CES1: variants seen among roughly 807,000 people sequenced by gnomAD.
CES1 encodes the protein carboxylesterase 1.
A neutral mutation model predicts 53.0 loss-of-function variants in CES1; 50 were observed. That is an observed-to-expected ratio of 0.94 (90% CI 0.75 to 1.19). The LOEUF (loss-of-function observed/expected upper bound fraction) is 1.19, where lower values mean the gene tolerates loss of function less well. Ranked by LOEUF, CES1 falls within the 50% of genes most tolerant of loss-of-function variation. CES1 has a pLI of 0.00. For missense variants in CES1, 534 were observed against 538.0 expected, an observed-to-expected ratio of 0.99 and a Z score of 0.07; for synonymous variants, 202 against 210.1, an observed-to-expected ratio of 0.96 and a Z score of 0.33.
intron 1 of CES1, 92 bp downstream of exon 1, chr16:55,832,912 T>G (rs1174165082): frequency 2.6e-6 from 3 of 1,153,828 alleles, no homozygotes; most frequent in South Asian, 1.2e-5. Flanking sequence ...CCGGACCTGT[T>G]GTGTCTTTGC....
intron 11 of CES1, among the ~76,000 whole-genome samples, chr16:55,808,839 G>A (rs1267344108): frequency 1.3e-5 from 2 of 152,030 alleles, no homozygotes; most frequent in Non-Finnish European, 1.5e-5. Flanking sequence ...AGTGTTCTAT[G>A]AACAAAAGTA....
At chr16:55,826,111 T>A in intron 3 of CES1, 40 bp downstream of exon 3, 4 of 1,613,702 alleles carry the variant, frequency 2.5e-6, no homozygotes, top group Non-Finnish European at 3.4e-6. Context: ...TGCGGGGTAC[T>A]GGCACTGACA....
chr16:55,833,080 G>A lies in CES1; in HGVS notation c.-25C>T. 1 of 1,547,214 alleles carries A rather than the reference G, an allele frequency of 6.5e-7. No homozygotes were observed. The highest frequency in any genetic ancestry group is 8.9e-7 in the Non-Finnish European group (1 of 1,125,816). On this transcript the variant is annotated 5_prime_UTR_variant, in exon 1 of 14. Coordinates refer to ENST00000360526, the MANE Select transcript of CES1 (RefSeq NM_001025195.2). ...TCGTGGAAGGGCGACAGTTCTCGGG[G>A]CCTGCGAGGTCTCTGTGCAGTTCAG...
At chr16:55,824,447 C>T (rs1388316462) in intron 3 of CES1, among the ~76,000 whole-genome samples, 7 of 152,138 alleles carry the variant, frequency 4.6e-5, no homozygotes, top group South Asian at 2.1e-4. Context: ...TAAAAGAACT[C>T]GTAACATAAA....
intron 8 of CES1, among the ~76,000 whole-genome samples, 157 bp from the exon 9 acceptor site, chr16:55,813,200 C>T (rs1274855949): frequency 6.6e-6 from 1 of 152,150 alleles, no homozygotes. Context: ...GGTAGGTCTC[C>T]ATGACTCAGG....
At chr16:55,830,811 A>C (rs1056737475) in intron 1 of CES1, among the ~76,000 whole-genome samples, 7 of 143,100 alleles carry the variant, frequency 4.9e-5, no homozygotes, top group East Asian at 4.5e-4. Context: ...GGAAGGAAGG[A>C]AGGAAGGAAG....
intron 9 of CES1, among the ~76,000 whole-genome samples, chr16:55,811,399 C>T (rs1424259451): frequency 6.6e-6 from 1 of 152,162 alleles, no homozygotes; most frequent in African/African-American, 2.4e-5. Flanking sequence ...GTAGACCTCC[C>T]TAGTACCCCC....
At chr16:55,820,701 C>T (rs1465307298) in intron 5 of CES1, among the ~76,000 whole-genome samples, 3 of 152,068 alleles carry the variant, frequency 2.0e-5, no homozygotes, top group African/African-American at 7.2e-5. Flanking sequence ...GTCTCCTGAA[C>T]CCAATCCCCA....
chr16:55,814,991 C>T (rs1242960673), intron 8 of CES1, among the ~76,000 whole-genome samples: 3 of 152,232 alleles, frequency 2.0e-5, no homozygotes, highest in East Asian at 1.9e-4. Flanking sequence ...AAGGAAGATG[C>T]AGGGCAGACT....
chr16:55,816,928 C>T lies in CES1; in HGVS notation c.941G>A (p.Arg314Lys), dbSNP rs1306644657. ...FLSLDLQGDP[R>K]ESQPLLGTVI... is the part of the protein sequence containing the mutation. ...CCAGAAACAAAAGGTCCTTACCTCT[C>T]TGGGGTCTCCCTGTAAGTCCAGAGA... Residue 314 changes from arginine to lysine, a missense_variant, in exon 8 of 14, where the codon AGA becomes AAA. Transcript: ENST00000360526. 6.8e-6 allele frequency: 11 copies of T among 1,613,860 alleles called. No individual in the cohort carries two copies. The African/African-American group carries it at 1.3e-4, about 20-fold the overall frequency.
chr16:55,811,012 T>TAACC lies in CES1; in HGVS notation c.1087-3_1087-2insGGTT. The stretch of plus-strand genomic sequence containing the variant: ...GGAGAGTGGATAGCTCATCAACTGC[T>TAACC]AAAAAAAAAAAAAAGTTCAGCATTT... On this transcript the variant is annotated splice_polypyrimidine_tract_variant and splice_region_variant and intron_variant, in intron 9 of 13. Transcript: ENST00000360526. 1 of 1,408,800 alleles carries TAACC rather than the reference T, an allele frequency of 7.1e-7. No individual in the cohort carries two copies. Among genetic ancestry groups the TAACC allele is most frequent in the Non-Finnish European group, 9.7e-7 (1 of 1,036,230 alleles). The allele number at this position is 1,408,800 out of a possible 1,614,324, so 87.3% of individuals were successfully genotyped here.
rs2032097676 is a variant in CES1, at chr16:55,819,771, T to C, written c.802-132A>G. On this transcript the variant is annotated intron_variant, in intron 6 of 13. Transcript: ENST00000360526. ...AGCAGCAGAAGATACTGTAGACCCG[T>C]GGGTGTGGGTTCCAGGTCCCACGGA... 1.1e-5 allele frequency: 9 copies of C among 807,282 alleles called. No individual in the cohort carries two copies. In the Admixed American group the frequency reaches 1.7e-4, roughly 15 times the overall value. 50.0% of individuals were successfully genotyped at this position (807,282 alleles called of 1,614,324 possible). A position where few individuals can be genotyped will look rare whatever the true frequency, so the allele number is the denominator to read the frequency against.
Position 55,810,549 on chromosome 16 carries a change from A to C in CES1, c.1286T>G (p.Val429Gly), listed in dbSNP as rs2031640222. The stretch of plus-strand genomic sequence containing the variant: ...GTTCCGGGCCACAATCACAGATGGG[A>C]CACCAAACATCACATCTGCTATCAA... Reference protein sequence around the residue: ...LDLIADVMFGVPSVIVARNHR... With the variant: ...LDLIADVMFGGPSVIVARNHR... Residue 429 changes from valine to glycine, a missense_variant, in exon 11 of 14, where the codon GTC becomes GGC. Around this residue, in one of 5 missense-constraint regions of CES1, gnomAD observed 269 missense variants for 206.6 expected, o/e 1.30. Coordinates refer to ENST00000360526, the MANE Select transcript of CES1 (RefSeq NM_001025195.2). 2 of 1,614,164 alleles carry C rather than the reference A, an allele frequency of 1.2e-6. No individual in the cohort carries two copies. Among genetic ancestry groups the C allele is most frequent in the Non-Finnish European group, 1.7e-6 (2 of 1,180,038 alleles).
At chr16:55,812,802 G>A in intron 9 of CES1, 101 bp downstream of exon 9, 3 of 1,513,396 alleles carry the variant, frequency 2.0e-6, no homozygotes, top group South Asian at 1.1e-5. Context: ...CAGCTGCCCA[G>A]GACTCAGAGT....
Position 55,812,654 on chromosome 16 carries a change from C to G in CES1, c.1086+249G>C, listed in dbSNP as rs148222894. Among the ~76,000 whole-genome samples, 97 of 152,284 alleles carry G rather than the reference C, an allele frequency of 6.4e-4. 2 individuals are homozygous for G. In the East Asian group the frequency reaches 0.017, roughly 27 times the overall value. ...ATTTTCTCTACTGGCCCTCCCAGCA[C>G]AGACACTTCAGGATTCTTCAATAGG... is the stretch of plus-strand genomic sequence containing the variant. On this transcript the variant is annotated intron_variant, in intron 9 of 13. Transcript: ENST00000360526.
intron 7 of CES1, among the ~76,000 whole-genome samples, chr16:55,817,530 G>A (rs1310058371): frequency 6.6e-6 from 1 of 152,192 alleles, no homozygotes; most frequent in Non-Finnish European, 1.5e-5. Context: ...TCTCTTTGGT[G>A]TGTGTTCACC....
At chr16:55,819,680 T>A (rs758907146) in intron 6 of CES1, 41 bp from the exon 7 acceptor site, 7 of 1,491,476 alleles carry the variant, frequency 4.7e-6, no homozygotes, top group Non-Finnish European at 6.6e-6. Context: ...AAGAGCGACA[T>A]CCCTTCCCTC....
chr16:55,819,491 G>A (rs1188752935), intron 7 of CES1, 44 bp downstream of exon 7: 13 of 1,432,070 alleles, frequency 9.1e-6, no homozygotes, highest in Non-Finnish European at 1.3e-5. Flanking sequence ...AAGAAGTCTG[G>A]GACCAAGTTT....
chr16:55,821,253 T>C, intron 5 of CES1, 115 bp downstream of exon 5: 2 of 1,372,906 alleles, frequency 1.5e-6, no homozygotes, highest in African/African-American at 1.4e-5. Flanking sequence ...GTAGGGCCAG[T>C]CCTGAATTCA....
Sources: allele counts gnomAD v4.1 joint callset (sites outside exome capture counted in the v4.1 genomes callset), GRCh38; gene constraint gnomAD v4.1.1; regional missense constraint gnomAD v4.1.1; transcripts MANE v1.5; gene names NCBI Gene and HGNC (gene_info 2026-07-23, HGNC 2026-07-21).